Variants in ELFN2 observed in about 807,000 individuals in gnomAD.
ELFN2 encodes extracellular leucine rich repeat and fibronectin type III domain containing 2, also known as protein phosphatase 1 regulatory subunit 29.
Under a neutral mutation model 45.5 loss-of-function variants are expected in ELFN2, and 17 were observed. The ratio of observed to expected loss-of-function variants is 0.37; its 90% confidence interval spans 0.26 to 0.56. The LOEUF is 0.56. Ranked by LOEUF, ELFN2 falls within the 20% of genes least tolerant of loss-of-function variation. The probability of loss-of-function intolerance (pLI) is 0.77; values close to 1 mark genes in which losing one functional copy is unlikely to be tolerated. For missense variants in ELFN2, 922 were observed against 1,183.2 expected, an observed-to-expected ratio of 0.78 and a Z score of 3.24; for synonymous variants, 550 against 551.5, an observed-to-expected ratio of 1.00 and a Z score of 0.04.
At position 37,374,137 on chromosome 22, in the gene ELFN2, G is replaced by A. The variant is rs779577089; in HGVS notation, c.1398C>T (p.Pro466=). The A allele has an allele frequency of 5.6e-6, 9 of 1,612,854 alleles. No individual in the cohort carries two copies. Among genetic ancestry groups the A allele is most frequent in the African/African-American group, 2.7e-5 (2 of 74,942 alleles). The change falls in exon 3 of 3, where the codon CCC becomes CCT. Residue 466 remains proline, a synonymous_variant. Coordinates refer to ENST00000402918, the MANE Select transcript of ELFN2 (RefSeq NM_052906.5). ...AGGGGATGGAGGCCATGCGAGATACGGGCAGCACGGGAGGCTCGCCCAGCT... is the reference window on the plus strand; with the variant it reads ...AGGGGATGGAGGCCATGCGAGATACAGGCAGCACGGGAGGCTCGCCCAGCT... The part of the protein sequence containing the change: ...AQKLGEPPVL[P]VSRMASIPSM...
At chr22:37,376,194 G>C (rs939277108) in intron 2 of ELFN2, among the ~76,000 whole-genome samples, 198 bp from the exon 3 acceptor site, 22 of 152,098 alleles carry the variant, frequency 1.4e-4, no homozygotes, top group Non-Finnish European at 2.6e-4. Context: ...GGGCCCAGGG[G>C]CTGGGACGGA....
chr22:37,345,474 C>T (rs1930674820), intron 1 of ELFN2, among the ~76,000 whole-genome samples: 1 of 152,134 alleles, frequency 6.6e-6, no homozygotes, highest in Admixed American at 6.5e-5. Context: ...ACAGTAGGTG[C>T]TCCACAGCCC....
Position 37,375,392 on chromosome 22 carries a change from G to T in ELFN2, c.143C>A (p.Thr48Asn), listed in dbSNP as rs756351937. The T allele has an allele frequency of 6.2e-7, 1 of 1,614,200 alleles. No individual in the cohort carries two copies. Among genetic ancestry groups the T allele is most frequent in the East Asian group, 2.2e-5 (1 of 44,882 alleles). Residue 48 changes from threonine (T) to asparagine (N), a missense_variant, in exon 3 of 3, where the codon ACC becomes AAC. Around this residue, in one of 2 missense-constraint regions of ELFN2, gnomAD observed 358 missense variants for 540.4 expected, o/e 0.66. Coordinates refer to ENST00000402918, the MANE Select transcript of ELFN2 (RefSeq NM_052906.5). ...ICSQNQPPYE[T>N]IPQHINSTVH... The stretch of plus-strand genomic sequence containing the variant: ...GGTGCTATTGATGTGCTGCGGGATG[G>T]TCTCGTAGGGCGGCTGGTTCTGGCT...
At position 37,396,776 on chromosome 22, in the gene ELFN2, C is replaced by T. The variant is rs1056835245; in HGVS notation, c.-462-20780G>A. The stretch of plus-strand genomic sequence containing the variant: ...CATGCATGCCCCTGGCTGCTCAGAT[C>T]GCGCTCGGTCATGGTCACCACTGCC... On this transcript the variant is annotated intron_variant, in intron 2 of 2. Coordinates refer to ENST00000402918, the MANE Select transcript of ELFN2 (RefSeq NM_052906.5). 2.0e-5 allele frequency among the ~76,000 whole-genome samples: 3 copies of T among 152,156 alleles called. No homozygotes were observed. In the East Asian group the frequency reaches 5.8e-4, roughly 29 times the overall value.
At position 37,380,735 on chromosome 22, in the gene ELFN2, A is replaced by G. The variant is rs568517522; in HGVS notation, c.-462-4739T>C. On this transcript the variant is annotated intron_variant, in intron 2 of 2. Transcript: ENST00000402918. ...TGGGGCCCAGCCAGATCTCTCAGGT[A>G]GGCAGCTGCCTCACCCCTTGCTGCT... is the stretch of plus-strand genomic sequence containing the variant. 9.2e-5 allele frequency among the ~76,000 whole-genome samples: 14 copies of G among 152,258 alleles called. No individual in the cohort carries two copies. The South Asian group carries it at 2.9e-3, about 32-fold the overall frequency.
At chr22:37,354,427 G>A (rs1352857922) in intron 1 of ELFN2, 1 of 152,164 alleles carries the variant, frequency 6.6e-6, no homozygotes, top group Non-Finnish European at 1.5e-5. Context: ...ACTGCAGAAG[G>A]TATTTAGAGT....
Position 37,374,356 on chromosome 22 carries a change from G to A in ELFN2, c.1179C>T (p.Thr393=), listed in dbSNP as rs926975404. ...GGATGGTCATGATGTAGTGGGTGGT[G>A]GTGGAGGTGCTGGGCGCCAAGTCTC... ...VPGDLAPSTS[T]TTHYIMTILG... Residue 393 remains threonine (T), a synonymous_variant, in exon 3 of 3, where the codon ACC becomes ACT. Coordinates refer to ENST00000402918, the MANE Select transcript of ELFN2 (RefSeq NM_052906.5). 6.2e-7 allele frequency: 1 copy of A among 1,613,934 alleles called. No individual in the cohort carries two copies. The highest frequency in any genetic ancestry group is 1.3e-5 in the African/African-American group (1 of 74,930).
At chr22:37,405,126 G>A (rs944758326) in intron 2 of ELFN2, among the ~76,000 whole-genome samples, 4 of 129,254 alleles carry the variant, frequency 3.1e-5, no homozygotes, top group South Asian at 2.4e-4. Flanking sequence ...ACGGAGTCTC[G>A]CTCTTGCCCA....
chr22:37,384,326 G>A (rs1931876510), intron 2 of ELFN2, among the ~76,000 whole-genome samples: 1 of 139,492 alleles, frequency 7.2e-6, no homozygotes, highest in Non-Finnish European at 1.5e-5. Context: ...CCTGGGGATA[G>A]GATTGTCCCA....
intron 2 of ELFN2, among the ~76,000 whole-genome samples, chr22:37,408,943 C>A (rs1470888970): frequency 1.3e-5 from 2 of 152,156 alleles, no homozygotes; most frequent in Non-Finnish European, 2.9e-5. Flanking sequence ...CTGTGAATGG[C>A]CTGACACTTG....
At chr22:37,413,096 C>G (rs1053006840) in intron 2 of ELFN2, among the ~76,000 whole-genome samples, 1 of 152,120 alleles carries the variant, frequency 6.6e-6, no homozygotes, top group African/African-American at 2.4e-5. Context: ...TGGCCACAGA[C>G]GGGGTGAGGT....
In ELFN2 at chr22:37,372,621, T is replaced by TCCC. The variant is rs959019280; in HGVS notation, c.*448_*450dup. ...ATGCTAAATCTGCAGGTGACTTGACTCCCAGCTTGGGAAGGGACCCTCTCC... is the reference window on the plus strand; with the variant it reads ...ATGCTAAATCTGCAGGTGACTTGACTCCCCCCAGCTTGGGAAGGGACCCTCTCC... On this transcript the variant is annotated 3_prime_UTR_variant, in exon 3 of 3. Coordinates refer to ENST00000402918, the MANE Select transcript of ELFN2 (RefSeq NM_052906.5). This position sits in a 1 kb window ranked among gnomAD's most constrained non-coding sequence, Gnocchi z 4.4. The TCCC allele has an allele frequency of 1.3e-5, 2 of 155,504 alleles. No individual in the cohort carries two copies. The highest frequency in any genetic ancestry group is 2.8e-5 in the Non-Finnish European group (2 of 70,676). 9.6% of individuals were successfully genotyped at this position (155,504 alleles called of 1,614,324 possible). A position where few individuals can be genotyped will look rare whatever the true frequency, so the allele number is the denominator to read the frequency against.
chr22:37,407,620 AGGCG>A (rs1932537354), intron 2 of ELFN2, among the ~76,000 whole-genome samples: 1 of 152,122 alleles, frequency 6.6e-6, no homozygotes, highest in Admixed American at 6.5e-5. Context: ...CCCGGCGGCC[AGGCG>A]CAGTGGCTCA....
At chr22:37,405,590 G>A (rs1932478945) in intron 2 of ELFN2, among the ~76,000 whole-genome samples, 1 of 152,134 alleles carries the variant, frequency 6.6e-6, no homozygotes, top group African/African-American at 2.4e-5. Flanking sequence ...GAAGGGGGAT[G>A]TGCTGATGCC....
chr22:37,418,634 AC>A (rs1168676170), intron 1 of ELFN2, among the ~76,000 whole-genome samples: 1 of 143,004 alleles, frequency 7.0e-6, no homozygotes. Flanking sequence ...ATGGCCAACT[AC>A]CCTCCTCTCC....
Position 37,375,965 on chromosome 22 carries a change from C to G in ELFN2, c.-431G>C, listed in dbSNP as rs1015147164. 9.1e-6 allele frequency: 2 copies of G among 219,492 alleles called. No homozygotes were observed. The highest frequency in any genetic ancestry group is 1.4e-4 in the East Asian group (1 of 7,134). 13.6% of individuals were successfully genotyped at this position (219,492 alleles called of 1,614,324 possible). A position where few individuals can be genotyped will look rare whatever the true frequency, so the allele number is the denominator to read the frequency against. On this transcript the variant is annotated 5_prime_UTR_variant, in exon 3 of 3. Transcript: ENST00000402918. ...GAGCCAGGAGTGAGAGAGATGGGGG[C>G]AGGAAGGAAGAGACCCATCTGCACC... is the stretch of plus-strand genomic sequence containing the variant.
Position 37,369,769 on chromosome 22 carries a change from C to G in ELFN2, c.*3303G>C, listed in dbSNP as rs1487796417. The G allele has an allele frequency of 6.6e-6, 1 of 152,406 alleles. No individual in the cohort carries two copies. The highest frequency in any genetic ancestry group is 1.9e-4 in the East Asian group (1 of 5,204). The allele number at this position is 152,406 out of a possible 1,614,324, so 9.4% of individuals were successfully genotyped here. A position where few individuals can be genotyped will look rare whatever the true frequency, so the allele number is the denominator to read the frequency against. ...TCCGGCCCAAGGCAGGAGGCCTCCCCGCAGAGGTCCAGGGCGTGGCACCCA... is the reference window on the plus strand; with the variant it reads ...TCCGGCCCAAGGCAGGAGGCCTCCCGGCAGAGGTCCAGGGCGTGGCACCCA... On this transcript the variant is annotated 3_prime_UTR_variant, in exon 3 of 3. Transcript: ENST00000402918.
chr22:37,406,567 G>A (rs919399737), intron 2 of ELFN2, among the ~76,000 whole-genome samples: 5 of 145,284 alleles, frequency 3.4e-5, no homozygotes, highest in African/African-American at 1.0e-4. Context: ...CCCCAGCCCC[G>A]TGACCCACTA....
intron 2 of ELFN2, among the ~76,000 whole-genome samples, chr22:37,341,615 G>A (rs566406840): frequency 6.6e-6 from 1 of 152,352 alleles, no homozygotes; most frequent in South Asian, 2.1e-4. Flanking sequence ...CACTGTCTGA[G>A]AACAGCCCCA....
Sources: gnomAD v4.1 joint callset for allele counts (sites outside exome capture counted in the v4.1 genomes callset) on GRCh38, gnomAD v4.1.1 for gene constraint, gnomAD v4.1.1 regional missense constraint, Gnocchi (gnomAD v3.1) non-coding constraint, MANE v1.5 for transcripts, NCBI Gene and HGNC (gene_info 2026-07-23, HGNC 2026-07-21) for gene names.